The following UNC5C variants were observed in gnomAD, a reference collection of about 807,000 sequenced individuals.
UNC5C encodes unc-5 netrin receptor C.
Under a neutral mutation model 99.8 loss-of-function variants are expected in UNC5C, and 47 were observed. The ratio of observed to expected loss-of-function variants is 0.47; its 90% confidence interval spans 0.37 to 0.60. The LOEUF (loss-of-function observed/expected upper bound fraction) is 0.60. Among genes scored for constraint, UNC5C ranks in the 20% least tolerant of loss-of-function variants. The pLI is 0.00. For synonymous variants in UNC5C, 487 were observed against 452.2 expected (o/e 1.08, Z -0.98); for missense variants, 1,062 against 1,165.9 (o/e 0.91, Z 1.30).
At chr4:95,240,727 C>T (rs1377697655) in intron 7 of UNC5C, among the ~76,000 whole-genome samples, 1 of 152,122 alleles carries the variant, frequency 6.6e-6, no homozygotes, top group African/African-American at 2.4e-5. Flanking sequence ...TCATTACTGG[C>T]AAATATCCAA....
chr4:95,228,793 A>G (rs1026509637), intron 7 of UNC5C, among the ~76,000 whole-genome samples: 4 of 152,220 alleles, frequency 2.6e-5, no homozygotes, highest in Admixed American at 6.5e-5. Context: ...TCTCCATTTG[A>G]AATATTATCA....
intron 4 of UNC5C, among the ~76,000 whole-genome samples, chr4:95,268,135 G>T (rs1199478016): frequency 6.6e-6 from 1 of 151,628 alleles, no homozygotes; most frequent in African/African-American, 2.4e-5. Context: ...ATTTTTTTTA[G>T]TAGAGACGGG....
At position 95,424,368 on chromosome 4, in the gene UNC5C, A is replaced by G. The variant is rs535044591; in HGVS notation, c.125-88737T>C. ...TATACACAGTGTATGAAGAGTAGGA[A>G]ATACCGATTTCTCACATATTTCGGG... is the stretch of plus-strand genomic sequence containing the variant. On this transcript the variant is annotated intron_variant, in intron 1 of 15. Coordinates refer to ENST00000453304, the MANE Select transcript of UNC5C (RefSeq NM_003728.4). Among the ~76,000 whole-genome samples, 10 of 152,110 alleles carry G rather than the reference A, an allele frequency of 6.6e-5. No homozygotes were observed. In the East Asian group the frequency reaches 1.9e-3, roughly 30 times the overall value.
intron 1 of UNC5C, among the ~76,000 whole-genome samples, chr4:95,545,142 C>A (rs1433034080): frequency 1.3e-5 from 2 of 152,134 alleles, no homozygotes; most frequent in Admixed American, 6.5e-5. Flanking sequence ...ACTAGGACAA[C>A]CAGCTCCAAA....
At chr4:95,366,632 C>A (rs531548954) in intron 1 of UNC5C, among the ~76,000 whole-genome samples, 3 of 152,174 alleles carry the variant, frequency 2.0e-5, no homozygotes, top group Non-Finnish European at 4.4e-5. Context: ...CCTTTGTCAA[C>A]ATAAAATTGC....
intron 3 of UNC5C, among the ~76,000 whole-genome samples, chr4:95,296,557 T>C (rs543914606): frequency 6.6e-6 from 1 of 152,280 alleles, no homozygotes; most frequent in African/African-American, 2.4e-5. Flanking sequence ...AACAATGGTC[T>C]CTGCAAATTA....
chr4:95,284,271 G>A (rs1291387706), intron 3 of UNC5C, among the ~76,000 whole-genome samples: 2 of 152,158 alleles, frequency 1.3e-5, no homozygotes, highest in Non-Finnish European at 2.9e-5. Context: ...AGATTTTCTG[G>A]CCTTCAGTTT....
intron 10 of UNC5C, among the ~76,000 whole-genome samples, chr4:95,211,397 T>A (rs778811083): frequency 6.6e-6 from 1 of 152,242 alleles, no homozygotes; most frequent in Non-Finnish European, 1.5e-5. Flanking sequence ...GGCCAAAATC[T>A]ATCCCTGGAT....
In UNC5C at chr4:95,254,360, C is replaced by T. The variant is rs369687105; in HGVS notation, c.595-3693G>A. On this transcript the variant is annotated intron_variant, in intron 4 of 15. Transcript: ENST00000453304. ...ATTCTAGGCCAAAGGTTTTCAACTC[C>T]GCTTCACAATAGAATAATGTGGAAA... Among the ~76,000 whole-genome samples the T allele has an allele frequency of 4.1e-4, 62 of 152,248 alleles. No homozygotes were observed. In the South Asian group the frequency reaches 0.011, roughly 28 times the overall value.
At chr4:95,393,678 T>G (rs978291624) in intron 1 of UNC5C, among the ~76,000 whole-genome samples, 1 of 152,170 alleles carries the variant, frequency 6.6e-6, no homozygotes, top group African/African-American at 2.4e-5. Context: ...ATGAGTGTTA[T>G]TTTACCAGCT....
intron 1 of UNC5C, among the ~76,000 whole-genome samples, chr4:95,447,658 G>A (rs571741554): frequency 3.3e-5 from 5 of 152,096 alleles, no homozygotes; most frequent in East Asian, 3.9e-4. Flanking sequence ...CTGTCACCAC[G>A]CCCAGCTAAC....
chr4:95,492,101 A>C (rs1721510344), intron 1 of UNC5C, among the ~76,000 whole-genome samples: 1 of 151,348 alleles, frequency 6.6e-6, no homozygotes, highest in Non-Finnish European at 1.5e-5. Context: ...AGGGAGATGG[A>C]TGATAAAAAT....
chr4:95,414,695 T>G (rs1303745646), intron 1 of UNC5C, among the ~76,000 whole-genome samples: 1 of 152,228 alleles, frequency 6.6e-6, no homozygotes, highest in African/African-American at 2.4e-5. Context: ...TTAAAGTAAA[T>G]TCTCCTCTAT....
At chr4:95,504,023 T>C (rs1216484465) in intron 1 of UNC5C, among the ~76,000 whole-genome samples, 1 of 152,180 alleles carries the variant, frequency 6.6e-6, no homozygotes, top group Non-Finnish European at 1.5e-5. Context: ...CACCACTATG[T>C]AATATCACTA....
chr4:95,206,164 C>A (rs1487772760), intron 11 of UNC5C, among the ~76,000 whole-genome samples: 1 of 151,828 alleles, frequency 6.6e-6, no homozygotes, highest in Non-Finnish European at 1.5e-5. Context: ...CTGCGCCCGG[C>A]TAATTTTTCT....
rs545952653 is a variant in UNC5C at position 95,505,802 on chromosome 4, A to G, written c.124+42932T>C. Among the ~76,000 whole-genome samples, 3 of 152,180 alleles carry G rather than the reference A, an allele frequency of 2.0e-5. No individual in the cohort carries two copies. In the South Asian group the frequency reaches 6.2e-4, roughly 32 times the overall value. On this transcript the variant is annotated intron_variant, in intron 1 of 15. Transcript: ENST00000453304. The stretch of plus-strand genomic sequence containing the variant: ...AATACAGGAGATGTTGAAAAGGCAA[A>G]CACCATAGTTTCTGAAAGAAATGAG...
At chr4:95,222,170 A>G (rs1738493551) in intron 7 of UNC5C, 2 of 1,422,072 alleles carry the variant, frequency 1.4e-6, no homozygotes, top group Non-Finnish European at 1.9e-6. Context: ...ATAACGTTAA[A>G]TGATTATTCA....
intron 1 of UNC5C, among the ~76,000 whole-genome samples, chr4:95,455,279 A>C (rs1474539424): frequency 6.6e-6 from 1 of 152,094 alleles, no homozygotes. Context: ...GTGATGTCTA[A>C]GCTGGAGATA....
intron 7 of UNC5C, chr4:95,222,308 C>G: frequency 1.6e-6 from 2 of 1,213,242 alleles, no homozygotes; most frequent in Non-Finnish European, 2.2e-6. Flanking sequence ...GGAACAAAAT[C>G]AAATTAATGA....
Sources: gnomAD v4.1 joint callset for allele counts (sites outside exome capture counted in the v4.1 genomes callset) on GRCh38, gnomAD v4.1.1 for gene constraint, MANE v1.5 for transcripts, NCBI Gene and HGNC (gene_info 2026-07-23, HGNC 2026-07-21) for gene names.